SLC39A10: variants seen among roughly 807,000 people sequenced by gnomAD.
SLC39A10 encodes solute carrier family 39 member 10.
In SLC39A10, 13 loss-of-function variants were observed where a neutral mutation model predicts 65.1. The ratio of observed to expected loss-of-function variants is 0.20; its 90% CI spans 0.13 to 0.32. SLC39A10 has a LOEUF of 0.32. Ranked by LOEUF, SLC39A10 falls within the 10% of genes least tolerant of loss-of-function variation. The probability of loss-of-function intolerance (pLI) is 1.00; values close to 1 mark genes in which losing one functional copy is unlikely to be tolerated. For synonymous variants in SLC39A10, 321 were observed against 342.2 expected (o/e 0.94, Z 0.68); for missense variants, 831 against 1,018.4 (o/e 0.82, Z 2.50).
At chr2:195,670,777 G>T (rs1689826825) in intron 1 of SLC39A10, among the ~76,000 whole-genome samples, 1 of 152,100 alleles carries the variant, frequency 6.6e-6, no homozygotes, top group Non-Finnish European at 1.5e-5. Flanking sequence ...ACAACTTCTT[G>T]TGAATCTTAA....
chr2:195,616,862 C>G (rs546071544), intron 2 of SLC39A10, among the ~76,000 whole-genome samples: 3 of 152,146 alleles, frequency 2.0e-5, no homozygotes, highest in Non-Finnish European at 2.9e-5. Flanking sequence ...CTCAGCCTCC[C>G]GAAGTTCTAG....
In SLC39A10 at chr2:195,683,847, A is replaced by C. The variant is rs755270632; in HGVS notation, c.1157A>C (p.Glu386Ala). The C allele has an allele frequency of 1.1e-5, 18 of 1,613,224 alleles. No homozygotes were observed. The highest frequency in any genetic ancestry group is 1.5e-5 in the Non-Finnish European group (18 of 1,179,500). The change falls in exon 3 of 10, where the codon GAA becomes GCA. Residue 386 changes from glutamate (E) to alanine (A), a missense_variant. By Grantham distance (107) the Glu-to-Ala change is moderately radical (BLOSUM62 -1). Coordinates refer to ENST00000359634, the MANE Select transcript of SLC39A10 (RefSeq NM_020342.3). ...CIEHFDKLLV[E>A]DINKDKNLVP... ...GAGCATTTTGACAAACTTTTAGTTG[A>C]AGATATAAATAAGGATAAAAACCTG...
At chr2:195,669,902 T>G (rs1226627030) in intron 1 of SLC39A10, among the ~76,000 whole-genome samples, 1 of 152,330 alleles carries the variant, frequency 6.6e-6, no homozygotes, top group East Asian at 1.9e-4. Context: ...GACTCACACC[T>G]GTAATCCCAC....
In SLC39A10 at chr2:195,708,736, G is replaced by T; in HGVS notation, c.1467G>T (p.Leu489Phe). 7 of 1,613,106 alleles carry T rather than the reference G, an allele frequency of 4.3e-6. No homozygotes were observed. The highest frequency in any genetic ancestry group is 5.9e-6 in the Non-Finnish European group (7 of 1,179,536). Residue 489 changes from leucine to phenylalanine, a missense_variant, in exon 5 of 10, where the codon TTG becomes TTT. Transcript: ENST00000359634. The stretch of plus-strand genomic sequence containing the variant: ...ATGGACATGAATCTAACAAGTTTTT[G>T]GAAGAATATGATGCTGTATTGAAAG... Reference protein sequence around the residue: ...HSHGHESNKFLEEYDAVLKGL... With the variant: ...HSHGHESNKFFEEYDAVLKGL...
chr2:195,729,961 A>ATTTTT (rs58936616), intron 9 of SLC39A10, among the ~76,000 whole-genome samples: 2,190 of 92,106 alleles, frequency 0.024, 146 homozygotes, highest in African/African-American at 0.029. Flanking sequence ...ACCATGCCTA[A>ATTTTT]TTTTTTTTTT....
chr2:195,632,973 A>G (rs1417720306), intron 2 of SLC39A10, among the ~76,000 whole-genome samples: 1 of 152,218 alleles, frequency 6.6e-6, no homozygotes, highest in Non-Finnish European at 1.5e-5. Context: ...TTCTCCTTGT[A>G]GAGATAGGAA....
intron 5 of SLC39A10, among the ~76,000 whole-genome samples, chr2:195,709,902 T>C (rs1186470195): frequency 1.3e-5 from 2 of 152,226 alleles, no homozygotes; most frequent in East Asian, 1.9e-4. Flanking sequence ...GTGACTTTTA[T>C]TGTAGTATTT....
chr2:195,674,957 G>A (rs970125431), intron 1 of SLC39A10, among the ~76,000 whole-genome samples: 4 of 152,222 alleles, frequency 2.6e-5, no homozygotes, highest in African/African-American at 9.6e-5. Context: ...TATGAATGGA[G>A]CTTGCAGGAC....
intron 2 of SLC39A10, among the ~76,000 whole-genome samples, chr2:195,626,994 A>G (rs1210056602): frequency 6.6e-6 from 1 of 152,200 alleles, no homozygotes; most frequent in Non-Finnish European, 1.5e-5. Flanking sequence ...TTTTTATCTC[A>G]AAGCATTAAT....
intron 1 of SLC39A10, among the ~76,000 whole-genome samples, chr2:195,665,141 A>G (rs1337390942): frequency 6.6e-6 from 1 of 152,210 alleles, no homozygotes; most frequent in Non-Finnish European, 1.5e-5. Context: ...CCTGGCCAAC[A>G]TGGCGTCTCT....
chr2:195,639,880 A>G (rs573774822), intron 2 of SLC39A10, among the ~76,000 whole-genome samples: 22 of 152,376 alleles, frequency 1.4e-4, no homozygotes, highest in Non-Finnish European at 2.5e-4. Flanking sequence ...TAATACTTAC[A>G]GATGGAAAAT....
At chr2:195,636,135 T>C (rs1227259528) in intron 2 of SLC39A10, among the ~76,000 whole-genome samples, 1 of 152,230 alleles carries the variant, frequency 6.6e-6, no homozygotes, top group Non-Finnish European at 1.5e-5. Context: ...TTCAAACTTA[T>C]CTGAGATAGC....
At chr2:195,629,806 A>G (rs1464751603) in intron 2 of SLC39A10, among the ~76,000 whole-genome samples, 2 of 152,198 alleles carry the variant, frequency 1.3e-5, no homozygotes, top group Admixed American at 6.6e-5. Context: ...TTGTAGCTCA[A>G]TGTAGCCTTG....
intron 2 of SLC39A10, among the ~76,000 whole-genome samples, chr2:195,626,211 C>T (rs2105692479): frequency 6.6e-6 from 1 of 152,286 alleles, no homozygotes; most frequent in East Asian, 1.9e-4. Flanking sequence ...AAGCTTCAGG[C>T]CTCCTCTAAA....
chr2:195,680,481 A>G lies in SLC39A10; in HGVS notation c.439A>G (p.Thr147Ala). The G allele has an allele frequency of 6.2e-7, 1 of 1,614,206 alleles. No individual in the cohort carries two copies. The highest frequency in any genetic ancestry group is 8.5e-7 in the Non-Finnish European group (1 of 1,180,036). Reference protein sequence around the residue: ...SENQTVTSVSTKRNHKCDPEK... With the variant: ...SENQTVTSVSAKRNHKCDPEK... ...AAATCAAACTGTGACCAGTGTATCC[A>G]CAAAAAGAAACCATAAATGTGATCC... Residue 147 changes from threonine (T) to alanine (A), a missense_variant, in exon 2 of 10, where the codon ACA (threonine) becomes GCA (alanine). By Grantham distance (58) the Thr-to-Ala change is moderately conservative. Coordinates refer to ENST00000359634, the MANE Select transcript of SLC39A10 (RefSeq NM_020342.3).
intron 2 of SLC39A10, among the ~76,000 whole-genome samples, chr2:195,642,857 G>A (rs916543260): frequency 3.9e-5 from 6 of 152,152 alleles, no homozygotes; most frequent in Non-Finnish European, 8.8e-5. Context: ...TGTGTGTATG[G>A]AAGGTTAGAG....
At chr2:195,683,163 T>G (rs1001997159) in intron 2 of SLC39A10, among the ~76,000 whole-genome samples, 2 of 145,270 alleles carry the variant, frequency 1.4e-5, no homozygotes, top group African/African-American at 2.8e-5. Context: ...TACTTTTTTT[T>G]TTGTTTGTTT....
At chr2:195,730,293 T>C (rs1406000477) in intron 9 of SLC39A10, among the ~76,000 whole-genome samples, 3 of 152,128 alleles carry the variant, frequency 2.0e-5, no homozygotes, top group Admixed American at 6.5e-5. Context: ...CATTCTCTTT[T>C]CTTTGAAATG....
At chr2:195,684,045 A>G in intron 3 of SLC39A10, 139 bp downstream of exon 3, 1 of 652,544 alleles carries the variant, frequency 1.5e-6, no homozygotes, top group Non-Finnish European at 2.5e-6. Context: ...TCAGGTTTAG[A>G]TATGCATATT....
Sources: allele counts gnomAD v4.1 joint callset (sites outside exome capture counted in the v4.1 genomes callset), GRCh38; gene constraint gnomAD v4.1.1; transcripts MANE v1.5; gene names NCBI Gene and HGNC (gene_info 2026-07-23, HGNC 2026-07-21).